Variants in STXBP5L observed in about 807,000 individuals in gnomAD.
The protein encoded by STXBP5L is syntaxin binding protein 5L.
Under a neutral mutation model 144.5 loss-of-function variants are expected in STXBP5L, and 65 were observed. The ratio of observed to expected loss-of-function variants is 0.45; its 90% CI spans 0.37 to 0.55. The LOEUF (loss-of-function observed/expected upper bound fraction) is 0.55, where lower values mean the gene tolerates loss of function less well. STXBP5L is among the 20% of genes least tolerant of loss of function. STXBP5L has a pLI of 0.00. For synonymous variants in STXBP5L, 505 were observed against 469.6 expected (o/e 1.08, Z -0.97); for missense variants, 1,298 against 1,405.5 (o/e 0.92, Z 1.22).
Position 121,378,731 on chromosome 3 carries a change from A to G in STXBP5L, c.2192A>G (p.His731Arg), listed in dbSNP as rs1280872727. Residue 731 changes from histidine to arginine, a missense_variant, in exon 21 of 27, where the codon CAC becomes CGC. Physicochemically the swap from His to Arg is conservative, Grantham distance 29. Transcript: ENST00000471454. ...KSPTSDHVNG[H>R]CTSPTSQSCS... ...CTTGGCACAGACCATGTAAATGGAC[A>G]CTGCACAAGTCCAACTTCTCAGAGT... 1.2e-6 allele frequency: 2 copies of G among 1,613,356 alleles called. No individual in the cohort carries two copies. The highest frequency in any genetic ancestry group is 1.7e-6 in the Non-Finnish European group (2 of 1,179,698).
chr3:121,403,712 T>A (rs2046935822), intron 22 of STXBP5L, among the ~76,000 whole-genome samples: 1 of 152,012 alleles, frequency 6.6e-6, no homozygotes, highest in Non-Finnish European at 1.5e-5. Context: ...AAGGAAAAAA[T>A]TAGAGCAGAA....
chr3:121,312,114 T>C (rs1049584314), intron 19 of STXBP5L, among the ~76,000 whole-genome samples: 1 of 152,162 alleles, frequency 6.6e-6, no homozygotes, highest in Non-Finnish European at 1.5e-5. Flanking sequence ...ATTTAATAAA[T>C]GATGCTGGGA....
chr3:120,918,834 C>T (rs1310650395), intron 2 of STXBP5L, among the ~76,000 whole-genome samples: 4 of 151,996 alleles, frequency 2.6e-5, no homozygotes, highest in Non-Finnish European at 4.4e-5. Context: ...GATCAGCTAT[C>T]TTGTGCTTTT....
At chr3:121,010,490 C>T (rs1170935456) in intron 3 of STXBP5L, among the ~76,000 whole-genome samples, 1 of 151,436 alleles carries the variant, frequency 6.6e-6, no homozygotes, top group East Asian at 2.0e-4. Context: ...TTATTCCCTA[C>T]CATCAATCCT....
At chr3:121,417,795 G>A (rs1399995088) in intron 25 of STXBP5L, among the ~76,000 whole-genome samples, 1 of 152,122 alleles carries the variant, frequency 6.6e-6, no homozygotes, top group East Asian at 1.9e-4. Flanking sequence ...ACTTATATGG[G>A]TAAATGTTAT....
chr3:121,400,544 G>A (rs763331431), intron 22 of STXBP5L, among the ~76,000 whole-genome samples: 44 of 152,158 alleles, frequency 2.9e-4, no homozygotes, highest in Admixed American at 2.0e-3. Flanking sequence ...GTGGCAGGAT[G>A]GGGTCTTATT....
chr3:121,407,795 C>A (rs543006494), intron 23 of STXBP5L, 192 bp downstream of exon 23: 2 of 736,878 alleles, frequency 2.7e-6, no homozygotes, highest in Admixed American at 3.4e-5. Context: ...TTTGGTTTTT[C>A]TTTTCTGCTA....
chr3:120,909,910 G>C (rs1017737719), intron 2 of STXBP5L, 143 bp downstream of exon 2: 4 of 835,430 alleles, frequency 4.8e-6, no homozygotes. Flanking sequence ...GGGTAGATCA[G>C]TTTGGCTTAA....
intron 3 of STXBP5L, among the ~76,000 whole-genome samples, chr3:121,011,018 G>A (rs545848535): frequency 2.0e-5 from 3 of 150,704 alleles, no homozygotes; most frequent in Non-Finnish European, 4.4e-5. Context: ...TTTGGGTTCA[G>A]TAGGGGAATA....
chr3:120,952,913 C>G (rs1711362215), intron 2 of STXBP5L, among the ~76,000 whole-genome samples: 1 of 152,156 alleles, frequency 6.6e-6, no homozygotes, highest in South Asian at 2.1e-4. Context: ...ATCCTCCTAT[C>G]TAAGCCTCCA....
chr3:120,972,202 A>G (rs372359523), intron 3 of STXBP5L, among the ~76,000 whole-genome samples: 1 of 152,118 alleles, frequency 6.6e-6, no homozygotes, highest in African/African-American at 2.4e-5. Context: ...CTTCCAATCT[A>G]TAAGCATGGA....
At chr3:121,090,771 T>A (rs1008499209) in intron 5 of STXBP5L, among the ~76,000 whole-genome samples, 1 of 152,064 alleles carries the variant, frequency 6.6e-6, no homozygotes, top group Non-Finnish European at 1.5e-5. Context: ...TGAATTTTTT[T>A]TATTTTTTAT....
chr3:121,393,654 A>G (rs1183681552), intron 22 of STXBP5L, among the ~76,000 whole-genome samples: 1 of 152,068 alleles, frequency 6.6e-6, no homozygotes, highest in Non-Finnish European at 1.5e-5. Context: ...GCATATGGTT[A>G]TACAATTTTT....
intron 3 of STXBP5L, among the ~76,000 whole-genome samples, chr3:121,012,895 C>T (rs1292824339): frequency 6.6e-6 from 1 of 151,984 alleles, no homozygotes; most frequent in East Asian, 1.9e-4. Context: ...ATCTTTGTGT[C>T]CATTTATACT....
intron 9 of STXBP5L, among the ~76,000 whole-genome samples, chr3:121,187,533 A>C (rs905082630): frequency 8.6e-5 from 13 of 152,032 alleles, no homozygotes; most frequent in African/African-American, 2.9e-4. Flanking sequence ...CATTGTGCAC[A>C]TGTACCCTAA....
intron 20 of STXBP5L, among the ~76,000 whole-genome samples, chr3:121,333,409 C>G (rs2044394004): frequency 6.6e-6 from 1 of 151,806 alleles, no homozygotes; most frequent in Non-Finnish European, 1.5e-5. Context: ...ACTAAATACC[C>G]ACATCAAAAA....
intron 5 of STXBP5L, among the ~76,000 whole-genome samples, chr3:121,083,740 A>G (rs965834533): frequency 1.3e-5 from 2 of 152,088 alleles, no homozygotes; most frequent in African/African-American, 4.8e-5. Flanking sequence ...GTGTGTGGAA[A>G]TTTCTTTTTT....
intron 3 of STXBP5L, among the ~76,000 whole-genome samples, chr3:121,037,762 G>T (rs73187428): frequency 0.035 from 5,395 of 152,028 alleles, 145 homozygotes; most frequent in Middle Eastern, 0.082. Flanking sequence ...ATGTGTCATA[G>T]ATTTTATTTT....
Position 121,423,089 on chromosome 3 carries a change from C to T in STXBP5L, c.*3992C>T, listed in dbSNP as rs925558106. The T allele has an allele frequency of 6.6e-5, 10 of 152,112 alleles. No individual in the cohort carries two copies. The highest frequency in any genetic ancestry group is 1.7e-4 in the African/African-American group (7 of 41,414). The allele number at this position is 152,112 out of a possible 1,614,324, so 9.4% of individuals were successfully genotyped here. On this transcript the variant is annotated 3_prime_UTR_variant, in exon 27 of 27. Coordinates refer to ENST00000471454, the MANE Select transcript of STXBP5L (RefSeq NM_001308330.2). ...ATATCTGTGTGATTACAACCTGCTG[C>T]TATGAGAAAAAAGAATTGTAACTTG...
Sources: allele counts gnomAD v4.1 joint callset (sites outside exome capture counted in the v4.1 genomes callset), GRCh38; gene constraint gnomAD v4.1.1; transcripts MANE v1.5; gene names NCBI Gene and HGNC (gene_info 2026-07-23, HGNC 2026-07-21).